Variants in SPR observed in about 807,000 individuals in gnomAD.
The protein encoded by SPR is Sepiapterin reductase (L-erythro-7,8-dihydrobiopterin forming).
SPR carries 12 observed loss-of-function variants against 16.0 expected under a neutral mutation model. That is an observed-to-expected ratio of 0.75 (90% CI 0.48 to 1.22). The LOEUF is 1.22. SPR is among the 50% of genes most tolerant of loss of function. The probability of loss-of-function intolerance (pLI) is 0.00; values close to 1 mark genes in which losing one functional copy is unlikely to be tolerated. For missense variants in SPR, 324 were observed against 344.4 expected (o/e 0.94, Z 0.47); for synonymous variants, 177 against 168.5 (o/e 1.05, Z -0.39).
In SPR at chr2:72,891,813, G is replaced by A; in HGVS notation, c.*276G>A. On this transcript the variant is annotated 3_prime_UTR_variant, in exon 3 of 3. Transcript: ENST00000234454. ...TCTATCCCCAGGAATAGAACTTAAGGGGTGGGAAGAACAGGAAAAGAAGCT... is the reference window on the plus strand; with the variant it reads ...TCTATCCCCAGGAATAGAACTTAAGAGGTGGGAAGAACAGGAAAAGAAGCT... 2.0e-6 allele frequency: 1 copy of A among 500,188 alleles called. No individual in the cohort carries two copies. The highest frequency in any genetic ancestry group is 2.3e-5 in the South Asian group (1 of 44,180). The allele number at this position is 500,188 out of a possible 1,614,324, so 31.0% of individuals were successfully genotyped here.
rs104893666 is a variant in SPR at position 72,888,497 on chromosome 2, C to T, written c.488C>T (p.Pro163Leu). ...ATCTCGTCCCTCTGTGCCCTGCAACCTTTCAAAGGCTGGGCGCTGTACTGT... is the reference window on the plus strand; with the variant it reads ...ATCTCGTCCCTCTGTGCCCTGCAACTTTTCAAAGGCTGGGCGCTGTACTGT... ...VNISSLCALQPFKGWALYCAG... is the reference protein window; with the variant it reads ...VNISSLCALQLFKGWALYCAG... Residue 163 changes from proline to leucine, a missense_variant, in exon 2 of 3, where the codon CCT becomes CTT. By Grantham distance (98) the Pro-to-Leu change is moderately conservative (BLOSUM62 -3). Transcript: ENST00000234454. 2.5e-6 allele frequency: 4 copies of T among 1,613,674 alleles called. No individual in the cohort carries two copies. The highest frequency in any genetic ancestry group is 1.3e-5 in the African/African-American group (1 of 75,048).
rs773177555 is a variant in SPR, at chr2:72,888,575, C to T, written c.566C>T (p.Pro189Leu). The change falls in exon 2 of 3, where the codon CCT becomes CTT. Residue 189 changes from proline to leucine, a missense_variant. Transcript: ENST00000234454. ...MLFQVLALEE[P>L]NVRVLNYAPG... ...TTCCAGGTCCTGGCGCTGGAGGAAC[C>T]TAATGTGAGGGTGCTGAACTATGCC... 1.3e-5 allele frequency: 20 copies of T among 1,596,984 alleles called. No homozygotes were observed. Among genetic ancestry groups the T allele is most frequent in the Non-Finnish European group, 1.7e-5 (20 of 1,169,768 alleles).
At position 72,891,555 on chromosome 2, in the gene SPR, C is replaced by T; in HGVS notation, c.*18C>T. Reference sequence around the variant, plus strand: ...ACAAATAAGCCCATGTTTTTGGCTTCCTGAACCTTTTTGCCCCCACTTTTA... The same window carrying T: ...ACAAATAAGCCCATGTTTTTGGCTTTCTGAACCTTTTTGCCCCCACTTTTA... On this transcript the variant is annotated 3_prime_UTR_variant, in exon 3 of 3. Coordinates refer to ENST00000234454, the MANE Select transcript of SPR (RefSeq NM_003124.5). 2 of 1,614,140 alleles carry T rather than the reference C, an allele frequency of 1.2e-6. No individual in the cohort carries two copies. Among genetic ancestry groups the T allele is most frequent in the East Asian group, 2.2e-5 (1 of 44,892 alleles).
Position 72,887,539 on chromosome 2 carries a change from T to G in SPR, c.107T>G (p.Val36Gly), listed in dbSNP as rs1670558533. ...GCCTCGCTGCTGTCGCCCGGCTCCG[T>G]GCTTGTCCTTAGCGCCCGCAACGAC... Reference protein sequence around the residue: ...LLASLLSPGSVLVLSARNDEA... With the variant: ...LLASLLSPGSGLVLSARNDEA... Residue 36 changes from valine to glycine, a missense_variant, in exon 1 of 3, where the codon GTG becomes GGG. By Grantham distance (109) the Val-to-Gly change is moderately radical (BLOSUM62 -3). Transcript: ENST00000234454. 6.8e-7 allele frequency: 1 copy of G among 1,470,530 alleles called. No individual in the cohort carries two copies. Among genetic ancestry groups the G allele is most frequent in the Non-Finnish European group, 8.9e-7 (1 of 1,118,370 alleles). 91.1% of individuals were successfully genotyped at this position (1,470,530 alleles called of 1,614,324 possible). A position where few individuals can be genotyped will look rare whatever the true frequency, so the allele number is the denominator to read the frequency against.
In SPR at chr2:72,887,537, C is replaced by T. The variant is rs1670558464; in HGVS notation, c.105C>T (p.Ser35=). 8 of 1,468,456 alleles carry T rather than the reference C, an allele frequency of 5.4e-6. No individual in the cohort carries two copies. Among genetic ancestry groups the T allele is most frequent in the African/African-American group, 2.9e-5 (2 of 67,928 alleles). The allele number at this position is 1,468,456 out of a possible 1,614,324, so 91.0% of individuals were successfully genotyped here. ...TGGCCTCGCTGCTGTCGCCCGGCTCCGTGCTTGTCCTTAGCGCCCGCAACG... is the reference window on the plus strand; with the variant it reads ...TGGCCTCGCTGCTGTCGCCCGGCTCTGTGCTTGTCCTTAGCGCCCGCAACG... ...PLLASLLSPG[S]VLVLSARNDE... The change falls in exon 1 of 3, where the codon TCC becomes TCT. Residue 35 remains serine, a synonymous_variant. Coordinates refer to ENST00000234454, the MANE Select transcript of SPR (RefSeq NM_003124.5).
rs1559048050 is a variant in SPR, at chr2:72,887,629, T to A, written c.197T>A (p.Val66Glu). The A allele has an allele frequency of 1.4e-6, 2 of 1,435,524 alleles. No individual in the cohort carries two copies. Among genetic ancestry groups the A allele is most frequent in the Middle Eastern group, 2.5e-4 (1 of 4,020 alleles). 88.9% of individuals were successfully genotyped at this position (1,435,524 alleles called of 1,614,324 possible). Reference sequence around the variant, plus strand: ...CGGTCTGGCCTGCGCGTGGTGCGGGTGCCCGCCGACCTGGGCGCCGAGGCC... The same window carrying A: ...CGGTCTGGCCTGCGCGTGGTGCGGGAGCCCGCCGACCTGGGCGCCGAGGCC... ...AERSGLRVVR[V>E]PADLGAEAGL... The change falls in exon 1 of 3, where the codon GTG becomes GAG. Residue 66 changes from valine (V) to glutamate (E), a missense_variant. Physicochemically the swap from Val to Glu is moderately radical, Grantham distance 121. Coordinates refer to ENST00000234454, the MANE Select transcript of SPR (RefSeq NM_003124.5).
At position 72,888,319 on chromosome 2, in the gene SPR, C is replaced by T. The variant is rs754490670; in HGVS notation, c.310C>T (p.Leu104Phe). 2 of 1,614,048 alleles carry T rather than the reference C, an allele frequency of 1.2e-6. No individual in the cohort carries two copies. The highest frequency in any genetic ancestry group is 1.3e-5 in the African/African-American group (1 of 74,930). The change falls in exon 2 of 3, where the codon CTT (leucine) becomes TTT (phenylalanine). Residue 104 changes from leucine (L) to phenylalanine (F), a missense_variant. Physicochemically the swap from Leu to Phe is conservative, Grantham distance 22. Coordinates refer to ENST00000234454, the MANE Select transcript of SPR (RefSeq NM_003124.5). ...CCTAAGGGTTGGTTTTTCAGGCTCT[C>T]TTGGGGATGTGTCCAAAGGCTTCGT... ...RLLLINNAGS[L>F]GDVSKGFVDL...
At chr2:72,889,837 C>G (rs1670593952) in intron 2 of SPR, among the ~76,000 whole-genome samples, 1 of 152,184 alleles carries the variant, frequency 6.6e-6, no homozygotes, top group South Asian at 2.1e-4. Context: ...GAAGAATGTT[C>G]TAACAGGTGC....
chr2:72,888,983 T>TG lies in SPR; in HGVS notation c.595+380dup, dbSNP rs566548719. On this transcript the variant is annotated intron_variant, in intron 2 of 2. Transcript: ENST00000234454. ...TGTATGTGAAAATGACCCTGACCTG[T>TG]GAAGTGTTGCCTCATTGTTAAATAG... 2.6e-5 allele frequency among the ~76,000 whole-genome samples: 4 copies of TG among 152,318 alleles called. No homozygotes were observed. In the South Asian group the frequency reaches 8.3e-4, roughly 32 times the overall value.
chr2:72,888,610 T>C lies in SPR; in HGVS notation c.595+6T>C, dbSNP rs1470617566. On this transcript the variant is annotated splice_donor_region_variant and intron_variant, in intron 2 of 2. Transcript: ENST00000234454. ...GGTGCTGAACTATGCCCCAGGTAGG[T>C]GGGAAGTCCTGCCGTCCCTGTCCTC... 2 of 1,587,420 alleles carry C rather than the reference T, an allele frequency of 1.3e-6. No individual in the cohort carries two copies. Among genetic ancestry groups the C allele is most frequent in the Non-Finnish European group, 8.6e-7 (1 of 1,165,286 alleles).
chr2:72,888,193 G>A, intron 1 of SPR, 121 bp from the exon 2 acceptor site: 2 of 1,023,036 alleles, frequency 2.0e-6, no homozygotes, highest in East Asian at 2.4e-5. Flanking sequence ...CTCTTCAGAA[G>A]CGCTAGGCAG....
In SPR at chr2:72,887,475, G is replaced by A; in HGVS notation, c.43G>A (p.Ala15Thr). ...LGRAVCLLTG[A>T]SRGFGRTLAP... ...GCGTGCTGTGTGCTTGCTGACCGGG[G>A]CCTCCCGCGGCTTCGGCCGGACGCT... Residue 15 changes from alanine to threonine, a missense_variant, in exon 1 of 3, where the codon GCC becomes ACC. Physicochemically the swap from Ala to Thr is moderately conservative, Grantham distance 58. Coordinates refer to ENST00000234454, the MANE Select transcript of SPR (RefSeq NM_003124.5). 1.3e-6 allele frequency: 2 copies of A among 1,505,978 alleles called. No individual in the cohort carries two copies. The highest frequency in any genetic ancestry group is 1.8e-6 in the Non-Finnish European group (2 of 1,133,334). The allele number at this position is 1,505,978 out of a possible 1,614,324, so 93.3% of individuals were successfully genotyped here.
At position 72,887,623 on chromosome 2, in the gene SPR, T is replaced by C; in HGVS notation, c.191T>C (p.Val64Ala). 7.0e-7 allele frequency: 1 copy of C among 1,431,624 alleles called. No individual in the cohort carries two copies. The highest frequency in any genetic ancestry group is 9.1e-7 in the Non-Finnish European group (1 of 1,102,514). 88.7% of individuals were successfully genotyped at this position (1,431,624 alleles called of 1,614,324 possible). A position where few individuals can be genotyped will look rare whatever the true frequency, so the allele number is the denominator to read the frequency against. ...LGAERSGLRV[V>A]RVPADLGAEA... ...GCCGAGCGGTCTGGCCTGCGCGTGG[T>C]GCGGGTGCCCGCCGACCTGGGCGCC... is the stretch of plus-strand genomic sequence containing the variant. Residue 64 changes from valine to alanine, a missense_variant, in exon 1 of 3, where the codon GTG becomes GCG. Transcript: ENST00000234454.
chr2:72,887,477 C>T lies in SPR; in HGVS notation c.45C>T (p.Ala15=), dbSNP rs1480976477. 1 of 1,505,998 alleles carries T rather than the reference C, an allele frequency of 6.6e-7. No individual in the cohort carries two copies. The highest frequency in any genetic ancestry group is 8.8e-7 in the Non-Finnish European group (1 of 1,133,320). 93.3% of individuals were successfully genotyped at this position (1,505,998 alleles called of 1,614,324 possible). The change falls in exon 1 of 3, where the codon GCC becomes GCT. Residue 15 remains alanine, a synonymous_variant. Transcript: ENST00000234454. ...GTGCTGTGTGCTTGCTGACCGGGGC[C>T]TCCCGCGGCTTCGGCCGGACGCTGG... ...LGRAVCLLTG[A]SRGFGRTLAP...
In SPR at chr2:72,891,376, G is replaced by T; in HGVS notation, c.625G>T (p.Ala209Ser). The change falls in exon 3 of 3, where the codon GCC (alanine) becomes TCC (serine). Residue 209 changes from alanine (A) to serine (S), a missense_variant. Coordinates refer to ENST00000234454, the MANE Select transcript of SPR (RefSeq NM_003124.5). ...GPLDTDMQQL[A>S]RETSVDPDMR... ...TCTGGACACAGACATGCAGCAGTTG[G>T]CCCGGGAGACCTCCGTGGACCCAGA... The T allele has an allele frequency of 6.2e-7, 1 of 1,614,120 alleles. No individual in the cohort carries two copies. Among genetic ancestry groups the T allele is most frequent in the East Asian group, 2.2e-5 (1 of 44,870 alleles).
chr2:72,889,288 G>A (rs1302271595), intron 2 of SPR, among the ~76,000 whole-genome samples: 1 of 152,178 alleles, frequency 6.6e-6, no homozygotes, highest in Non-Finnish European at 1.5e-5. Context: ...TTGTGATACT[G>A]GGTCTAGTTT....
At position 72,887,462 on chromosome 2, in the gene SPR, C is replaced by A; in HGVS notation, c.30C>A (p.Cys10Ter). The change falls in exon 1 of 3, where the codon TGC becomes TGA. Residue 10 changes from cysteine (C) to a stop codon, truncating the protein, a stop_gained. Coordinates refer to ENST00000234454, the MANE Select transcript of SPR (RefSeq NM_003124.5). LOFTEE classifies it high-confidence loss of function. MEGGLGRAV[C>*]LLTGASRGFG... ...AGGGCGGGCTGGGGCGTGCTGTGTG[C>A]TTGCTGACCGGGGCCTCCCGCGGCT... is the stretch of plus-strand genomic sequence containing the variant. 6.6e-7 allele frequency: 1 copy of A among 1,506,406 alleles called. No individual in the cohort carries two copies. Among genetic ancestry groups the A allele is most frequent in the Non-Finnish European group, 8.8e-7 (1 of 1,133,626 alleles). 93.3% of individuals were successfully genotyped at this position (1,506,406 alleles called of 1,614,324 possible).
chr2:72,887,457 G>A lies in SPR; in HGVS notation c.25G>A (p.Val9Met). The change falls in exon 1 of 3, where the codon GTG becomes ATG. Residue 9 changes from valine (V) to methionine (M), a missense_variant. By Grantham distance (21) the Val-to-Met change is conservative (BLOSUM62 1). Transcript: ENST00000234454. ...CATGGAGGGCGGGCTGGGGCGTGCT[G>A]TGTGCTTGCTGACCGGGGCCTCCCG... MEGGLGRA[V>M]CLLTGASRGF... The A allele has an allele frequency of 1.3e-6, 2 of 1,506,876 alleles. No homozygotes were observed. Among genetic ancestry groups the A allele is most frequent in the Non-Finnish European group, 1.8e-6 (2 of 1,133,724 alleles). The allele number at this position is 1,506,876 out of a possible 1,614,324, so 93.3% of individuals were successfully genotyped here.
Position 72,891,676 on chromosome 2 carries a change from G to A in SPR, c.*139G>A. On this transcript the variant is annotated 3_prime_UTR_variant, in exon 3 of 3. Transcript: ENST00000234454. Reference sequence around the variant, plus strand: ...TTCATGCCTGCTGCCCTGCCCTCAGGCACAGCCAGCTGTGAGCTCCCAGGT... The same window carrying A: ...TTCATGCCTGCTGCCCTGCCCTCAGACACAGCCAGCTGTGAGCTCCCAGGT... The A allele has an allele frequency of 9.9e-7, 1 of 1,008,352 alleles. No homozygotes were observed. The highest frequency in any genetic ancestry group is 1.4e-5 in the South Asian group (1 of 72,602). 62.5% of individuals were successfully genotyped at this position (1,008,352 alleles called of 1,614,324 possible).
Sources: gnomAD v4.1 joint callset for allele counts (sites outside exome capture counted in the v4.1 genomes callset) on GRCh38, gnomAD v4.1.1 for gene constraint, MANE v1.5 for transcripts, NCBI Gene and HGNC (gene_info 2026-07-23, HGNC 2026-07-21) for gene names.